NRG2: variants seen among roughly 807,000 people sequenced by gnomAD.
NRG2 encodes the protein pro-neuregulin-2, membrane-bound isoform.
NRG2 carries 27 observed loss-of-function variants against 73.9 expected under a neutral mutation model. The observed-to-expected ratio is 0.37, with a 90% CI of 0.27 to 0.50. NRG2 has a LOEUF of 0.50. NRG2 is among the 20% of genes least tolerant of loss of function. NRG2 has a pLI of 0.96. For synonymous variants in NRG2, 532 were observed against 541.0 expected (o/e 0.98, Z 0.23); for missense variants, 1,126 against 1,210.1 (o/e 0.93, Z 1.03).
chr5:139,946,460 C>T (rs556696895), intron 1 of NRG2, among the ~76,000 whole-genome samples: 1 of 152,058 alleles, frequency 6.6e-6, no homozygotes, highest in Admixed American at 6.6e-5. Context: ...ACACTGTATA[C>T]AAAAACTAAC....
In NRG2 at chr5:139,848,631, C is replaced by A. The variant is rs766544785; in HGVS notation, c.1839G>T (p.Thr613=). 2 of 1,577,286 alleles carry A rather than the reference C, an allele frequency of 1.3e-6. No homozygotes were observed. Among genetic ancestry groups the A allele is most frequent in the Non-Finnish European group, 1.7e-6 (2 of 1,171,212 alleles). ...SPVDFHYSLA[T]QVPTFEITSP... ...ACGTGATCTCGAAAGTTGGCACCTGCGTGGCCAGCGAGTAGTGGAAGTCCA... is the reference window on the plus strand; with the variant it reads ...ACGTGATCTCGAAAGTTGGCACCTGAGTGGCCAGCGAGTAGTGGAAGTCCA... Residue 613 remains threonine (T), a synonymous_variant, in exon 10 of 10, where the codon ACG becomes ACT. Transcript: ENST00000361474.
chr5:139,857,340 T>C (rs1761870733), intron 5 of NRG2, among the ~76,000 whole-genome samples: 1 of 152,232 alleles, frequency 6.6e-6, no homozygotes, highest in Admixed American at 6.5e-5. Context: ...CAAATTTTTA[T>C]GTCCTGCCCT....
intron 1 of NRG2, among the ~76,000 whole-genome samples, chr5:139,988,157 T>C (rs1299087872): frequency 6.6e-6 from 1 of 152,026 alleles, no homozygotes; most frequent in Admixed American, 6.6e-5. Flanking sequence ...CACCAAATGC[T>C]GGTGAGGATG....
At chr5:140,041,802 G>A (rs1581008805) in intron 1 of NRG2, among the ~76,000 whole-genome samples, 1 of 152,026 alleles carries the variant, frequency 6.6e-6, no homozygotes, top group African/African-American at 2.4e-5. Context: ...AGCAGAAAAA[G>A]TCCAACTCTG....
chr5:139,870,407 GC>G lies in NRG2; in HGVS notation c.1112+1313del, dbSNP rs1762764478. On this transcript the variant is annotated intron_variant, in intron 4 of 9. Coordinates refer to ENST00000361474, the MANE Select transcript of NRG2 (RefSeq NM_004883.3). The surrounding 1 kb of genome is among the most constrained non-coding windows in gnomAD (Gnocchi z 4.4). ...GCTGAGGAGGCCAGCCGGGGCAAGA[GC>G]CCCTCGTTACCATGTTGTTAGGTGG... 6.6e-6 allele frequency among the ~76,000 whole-genome samples: 1 copy of G among 152,154 alleles called. No individual in the cohort carries two copies. Among genetic ancestry groups the G allele is most frequent in the Admixed American group, 6.5e-5 (1 of 15,290 alleles).
chr5:140,021,381 A>C (rs1301388883), intron 1 of NRG2, among the ~76,000 whole-genome samples: 1 of 152,166 alleles, frequency 6.6e-6, no homozygotes, highest in African/African-American at 2.4e-5. Flanking sequence ...TTCCATAAGT[A>C]ATGCCTGACC....
chr5:139,854,406 C>A (rs188936691), intron 6 of NRG2, among the ~76,000 whole-genome samples: 1 of 152,282 alleles, frequency 6.6e-6, no homozygotes, highest in African/African-American at 2.4e-5. Flanking sequence ...CACTGGACCA[C>A]TTGTTCAGAG....
At chr5:139,871,598 T>A in intron 4 of NRG2, 123 bp downstream of exon 4, 1 of 1,301,452 alleles carries the variant, frequency 7.7e-7, no homozygotes, top group Non-Finnish European at 1.1e-6. Context: ...AAGCTTCCTG[T>A]CTACACCCCT....
chr5:140,009,590 G>A (rs1023210371), intron 1 of NRG2, among the ~76,000 whole-genome samples: 1 of 152,198 alleles, frequency 6.6e-6, no homozygotes, highest in East Asian at 1.9e-4. Flanking sequence ...CTCTTCCAAA[G>A]TGGCTGTACC....
At chr5:139,941,262 A>T (rs1360325749) in intron 1 of NRG2, among the ~76,000 whole-genome samples, 1 of 152,180 alleles carries the variant, frequency 6.6e-6, no homozygotes, top group African/African-American at 2.4e-5. Flanking sequence ...TTTTGTGGGT[A>T]TTTGCACAAG....
chr5:139,965,825 G>C (rs761655487), intron 1 of NRG2, among the ~76,000 whole-genome samples: 2 of 152,204 alleles, frequency 1.3e-5, no homozygotes, highest in African/African-American at 2.4e-5. Flanking sequence ...AGCCAGCAGA[G>C]GTATGGATGT....
In NRG2 at chr5:139,856,467, C is replaced by A. The variant is rs541457522; in HGVS notation, c.1190-689G>T. ...CTCTGCTGCTGCTGCTGGGGCAACCCCCATCCTTCTAAAACAGAGAAAGCC... is the reference window on the plus strand; with the variant it reads ...CTCTGCTGCTGCTGCTGGGGCAACCACCATCCTTCTAAAACAGAGAAAGCC... On this transcript the variant is annotated intron_variant, in intron 5 of 9. Transcript: ENST00000361474. The surrounding 1 kb of genome is among the most constrained non-coding windows in gnomAD (Gnocchi z 4.2). 1.6e-3 allele frequency: 240 copies of A among 152,832 alleles called. 1 individual carries two copies. The highest frequency in any genetic ancestry group is 3.0e-3 in the Non-Finnish European group (206 of 68,418). The allele number at this position is 152,832 out of a possible 1,614,324, so 9.5% of individuals were successfully genotyped here.
intron 5 of NRG2, among the ~76,000 whole-genome samples, chr5:139,859,631 C>T (rs867058458): frequency 2.2e-4 from 34 of 152,236 alleles, no homozygotes; most frequent in Middle Eastern, 3.4e-3. Flanking sequence ...AATAAATCTC[C>T]CCTATGTGAG....
chr5:140,024,130 C>T (rs1319377766), intron 1 of NRG2, among the ~76,000 whole-genome samples: 1 of 152,100 alleles, frequency 6.6e-6, no homozygotes, highest in African/African-American at 2.4e-5. Flanking sequence ...CTAGAGGAAC[C>T]CAGCTGGGCA....
rs554473987 is a variant in NRG2 at position 139,848,480 on chromosome 5, G to T, written c.1990C>A (p.Pro664Thr). The change falls in exon 10 of 10, where the codon CCC (proline) becomes ACC (threonine). Residue 664 changes from proline to threonine, a missense_variant. Transcript: ENST00000361474. ...CGCTGCATGTCTGCGCCGGGCCCGG[G>T]CCCGGGCCCGGGTCCGGGTCCCGGG... ...PGPGPGPGPG[P>T]GPGADMQRSY... is the part of the protein sequence containing the mutation. 9 of 1,339,556 alleles carry T rather than the reference G, an allele frequency of 6.7e-6. No individual in the cohort carries two copies. The highest frequency in any genetic ancestry group is 8.5e-6 in the Non-Finnish European group (9 of 1,060,184). The allele number at this position is 1,339,556 out of a possible 1,614,324, so 83.0% of individuals were successfully genotyped here. A position where few individuals can be genotyped will look rare whatever the true frequency, so the allele number is the denominator to read the frequency against.
chr5:139,979,736 A>G (rs1756650732), intron 1 of NRG2, among the ~76,000 whole-genome samples: 1 of 152,236 alleles, frequency 6.6e-6, no homozygotes, highest in African/African-American at 2.4e-5. Context: ...TGAGCTTCAA[A>G]GCTGATCCTG....
chr5:140,027,886 G>T (rs1033118228), intron 1 of NRG2, among the ~76,000 whole-genome samples: 19 of 152,024 alleles, frequency 1.2e-4, no homozygotes, highest in Non-Finnish European at 2.1e-4. Flanking sequence ...TACATGTTAT[G>T]GGAAAAAAAG....
intron 1 of NRG2, among the ~76,000 whole-genome samples, chr5:139,978,050 T>C (rs939844090): frequency 7.2e-5 from 11 of 152,128 alleles, no homozygotes; most frequent in Non-Finnish European, 2.9e-5. Flanking sequence ...ACTTCATGTC[T>C]AAAACACCAA....
In NRG2 at chr5:140,037,341, T is replaced by C. The variant is rs151220711; in HGVS notation, c.700+5029A>G. Among the ~76,000 whole-genome samples the C allele has an allele frequency of 3.3e-3, 501 of 152,330 alleles. 5 individuals are homozygous for C. The highest frequency in any genetic ancestry group is 0.012 in the African/African-American group (482 of 41,570). On this transcript the variant is annotated intron_variant, in intron 1 of 9. Coordinates refer to ENST00000361474, the MANE Select transcript of NRG2 (RefSeq NM_004883.3). ...CTTTGAGCATCCCAGTTAAGACTTA[T>C]ACAATGTATTGTCAGGGAAAACTTA...
Sources: allele counts gnomAD v4.1 joint callset (sites outside exome capture counted in the v4.1 genomes callset), GRCh38; gene constraint gnomAD v4.1.1; non-coding constraint Gnocchi (gnomAD v3.1); transcripts MANE v1.5; gene names NCBI Gene and HGNC (gene_info 2026-07-23, HGNC 2026-07-21).